Variants in GATB observed in about 807,000 individuals in gnomAD.
The protein encoded by GATB is glutamyl-tRNA amidotransferase subunit B.
A neutral mutation model predicts 62.3 loss-of-function variants in GATB; 39 were observed. The ratio of observed to expected loss-of-function variants is 0.63; its 90% CI spans 0.48 to 0.82. The LOEUF is 0.82. GATB is among the 40% of genes least tolerant of loss of function. The pLI, the probability that GATB is intolerant of heterozygous loss-of-function variation, is 0.00. For synonymous variants in GATB, 276 were observed against 258.9 expected, an observed-to-expected ratio of 1.07 and a Z score of -0.63; for missense variants, 670 against 684.0, an observed-to-expected ratio of 0.98 and a Z score of 0.23.
At chr4:151,741,844 G>T (rs1031006569) in intron 2 of GATB, among the ~76,000 whole-genome samples, 2 of 152,202 alleles carry the variant, frequency 1.3e-5, no homozygotes, top group African/African-American at 2.4e-5. Flanking sequence ...CAAAGGTTAA[G>T]GGAATCATTT....
intron 3 of GATB, among the ~76,000 whole-genome samples, chr4:151,718,113 G>T (rs902195189): frequency 2.0e-5 from 3 of 152,174 alleles, no homozygotes; most frequent in African/African-American, 4.8e-5. Flanking sequence ...GACCTCAAAG[G>T]TTTCCGATTC....
chr4:151,735,832 A>AGGCGTAAGAATGATACAATGGACTTTGGG (rs1739362610), intron 2 of GATB, among the ~76,000 whole-genome samples: 1 of 150,724 alleles, frequency 6.6e-6, no homozygotes, highest in Non-Finnish European at 1.5e-5. Context: ...CTGGAGACTA[A>AGGCGTAAGAATGATACAATGGACTTTGGG]GGCGTAAGAA....
Position 151,701,460 on chromosome 4 carries a change from C to T in GATB, c.1066G>A (p.Ala356Thr), listed in dbSNP as rs776470411. The T allele has an allele frequency of 2.4e-5, 39 of 1,597,478 alleles. No homozygotes were observed. The highest frequency in any genetic ancestry group is 3.3e-4 in the Middle Eastern group (2 of 6,048). Reference protein sequence around the residue: ...LVLYDATSLPAGADPQQVINI... With the variant: ...LVLYDATSLPTGADPQQVINI... ...ATCACTTGCTGTGGGTCTGCACCTG[C>T]GGGCAGAGATGTGGCGTCGTAGAGC... Residue 356 changes from alanine (A) to threonine (T), a missense_variant, in exon 9 of 13, where the codon GCA becomes ACA. By Grantham distance (58) the Ala-to-Thr change is moderately conservative. Transcript: ENST00000263985.
rs1393702068 is a variant in GATB, at chr4:151,696,006, C to A, written c.1197+5323G>T. On this transcript the variant is annotated intron_variant, in intron 9 of 12. Transcript: ENST00000263985. ...TTGTTGCCCAAACTGGTCTCGAAAT[C>A]CTGGCCAAAAGTGATCCTCTCACCT... 2.1e-5 allele frequency among the ~76,000 whole-genome samples: 3 copies of A among 141,688 alleles called. No individual in the cohort carries two copies. In the East Asian group the frequency reaches 6.3e-4, roughly 30 times the overall value. 93.0% of individuals were successfully genotyped at this position (141,688 alleles called of 152,430 possible). A position where few individuals can be genotyped will look rare whatever the true frequency, so the allele number is the denominator to read the frequency against.
At position 151,708,495 on chromosome 4, in the gene GATB, G is replaced by A. The variant is rs1738759001; in HGVS notation, c.764-394C>T. On this transcript the variant is annotated intron_variant, in intron 5 of 12. Transcript: ENST00000263985. ...AGTTTTTTTTCAAAGTGTCAGAGCT[G>A]AGTTGGAGGAAAGGCCTCATATATC... Among the ~76,000 whole-genome samples the A allele has an allele frequency of 1.3e-5, 2 of 152,150 alleles. 1 individual carries two copies. The highest frequency in any genetic ancestry group is 4.2e-4 in the South Asian group (2 of 4,816).
intron 5 of GATB, among the ~76,000 whole-genome samples, chr4:151,712,275 C>T (rs930675682): frequency 6.6e-6 from 1 of 152,086 alleles, no homozygotes; most frequent in African/African-American, 2.4e-5. Context: ...CTAGTGAAGA[C>T]AAAATACCTT....
chr4:151,672,549 CCTT>C, intron 12 of GATB: 2 of 553,188 alleles, frequency 3.6e-6, no homozygotes, highest in South Asian at 2.9e-5. Context: ...GGGGTGGCAT[CCTT>C]CTTATAGGAA....
intron 2 of GATB, among the ~76,000 whole-genome samples, chr4:151,737,273 G>A (rs1739394832): frequency 1.3e-5 from 2 of 152,194 alleles, no homozygotes; most frequent in Admixed American, 6.5e-5. Context: ...GCAAACCGAA[G>A]CAAAGATGAC....
chr4:151,701,599 T>A, intron 8 of GATB, 81 bp from the exon 9 acceptor site: 1 of 992,930 alleles, frequency 1.0e-6, no homozygotes, highest in Non-Finnish European at 1.4e-6. Flanking sequence ...GTAATATGAA[T>A]GTTTCTGTGT....
intron 4 of GATB, 146 bp from the exon 5 acceptor site, chr4:151,716,277 CTTTTTTTT>C: frequency 7.3e-6 from 3 of 413,200 alleles, no homozygotes; most frequent in Admixed American, 5.0e-5. Context: ...TCCCTCCCAC[CTTTTTTTT>C]TTTTTTTTTT....
chr4:151,739,909 G>A (rs534203762), intron 2 of GATB, among the ~76,000 whole-genome samples: 27 of 152,256 alleles, frequency 1.8e-4, no homozygotes, highest in African/African-American at 6.5e-4. Flanking sequence ...TAATCAACAT[G>A]CCCACAATGA....
At chr4:151,754,659 T>C (rs1285070113) in intron 2 of GATB, among the ~76,000 whole-genome samples, 1 of 152,154 alleles carries the variant, frequency 6.6e-6, no homozygotes, top group African/African-American at 2.4e-5. Context: ...CCTAATTTTT[T>C]ACTAAATCAA....
chr4:151,722,266 CATAG>C (rs1206643129), intron 2 of GATB: 4 of 699,878 alleles, frequency 5.7e-6, no homozygotes, highest in Non-Finnish European at 1.0e-5. Context: ...TTTAGGGGTA[CATAG>C]ATAAATAGGA....
chr4:151,701,549 C>G, intron 8 of GATB, 31 bp from the exon 9 acceptor site: 1 of 1,406,486 alleles, frequency 7.1e-7, no homozygotes, highest in Non-Finnish European at 9.4e-7. Context: ...GGACCTGAAT[C>G]TGGAGTACTT....
At chr4:151,748,447 C>G (rs560812297) in intron 2 of GATB, among the ~76,000 whole-genome samples, 35 of 152,196 alleles carry the variant, frequency 2.3e-4, no homozygotes, top group Non-Finnish European at 4.6e-4. Flanking sequence ...GCTGGGAAAA[C>G]TGGCTAGCCA....
chr4:151,736,004 C>A (rs1413258439), intron 2 of GATB, among the ~76,000 whole-genome samples: 1 of 151,516 alleles, frequency 6.6e-6, no homozygotes, highest in African/African-American at 2.4e-5. Flanking sequence ...CCACTTGTAC[C>A]CCAATAACTA....
At chr4:151,755,782 T>C (rs1739814506) in intron 2 of GATB, among the ~76,000 whole-genome samples, 1 of 152,244 alleles carries the variant, frequency 6.6e-6, no homozygotes, top group South Asian at 2.1e-4. Context: ...TGATTTTTGC[T>C]TCTTCTTACA....
chr4:151,760,003 GA>G (rs1381748698), intron 1 of GATB, among the ~76,000 whole-genome samples: 1 of 152,120 alleles, frequency 6.6e-6, no homozygotes, highest in Admixed American at 6.5e-5. Context: ...TCCATTACAT[GA>G]GAGAAAAAAT....
intron 11 of GATB, chr4:151,673,101 C>T: frequency 1.0e-5 from 6 of 574,700 alleles, no homozygotes; most frequent in Non-Finnish European, 1.5e-5. Context: ...GAGTGCAGGG[C>T]TGGGGAACAA....
Sources: allele counts gnomAD v4.1 joint callset (sites outside exome capture counted in the v4.1 genomes callset), GRCh38; gene constraint gnomAD v4.1.1; transcripts MANE v1.5; gene names NCBI Gene and HGNC (gene_info 2026-07-23, HGNC 2026-07-21).